The following SLC8A1 variants were observed in gnomAD, a reference collection of about 807,000 sequenced individuals.
SLC8A1 encodes the protein sodium/calcium exchanger 1.
A neutral mutation model predicts 68.3 loss-of-function variants in SLC8A1; 18 were observed. The observed-to-expected ratio is 0.26, with a 90% CI of 0.18 to 0.39. The LOEUF (loss-of-function observed/expected upper bound fraction) is 0.39. SLC8A1 is among the 10% of genes least tolerant of loss of function. The probability of loss-of-function intolerance (pLI) is 1.00; values close to 1 mark genes in which losing one functional copy is unlikely to be tolerated. For missense variants in SLC8A1, 985 were observed against 1,156.7 expected, an observed-to-expected ratio of 0.85 and a Z score of 2.15; for synonymous variants, 475 against 415.5, an observed-to-expected ratio of 1.14 and a Z score of -1.74.
chr2:40,281,845 C>G (rs2067572648), intron 2 of SLC8A1, among the ~76,000 whole-genome samples: 1 of 152,208 alleles, frequency 6.6e-6, no homozygotes, highest in African/African-American at 2.4e-5. Flanking sequence ...TTCCCTGATT[C>G]TCAGGAAGTG....
At chr2:40,408,875 C>A (rs1435661391) in intron 2 of SLC8A1, among the ~76,000 whole-genome samples, 1 of 151,104 alleles carries the variant, frequency 6.6e-6, no homozygotes. Flanking sequence ...TCCAAAGACA[C>A]TGAAATAGAA....
At chr2:40,168,161 G>A (rs2046866399) in intron 4 of SLC8A1, among the ~76,000 whole-genome samples, 1 of 152,088 alleles carries the variant, frequency 6.6e-6, no homozygotes, top group Admixed American at 6.6e-5. Context: ...AATAGACAAT[G>A]GGCAACTTCT....
chr2:40,196,618 C>G (rs2053086773), intron 2 of SLC8A1, among the ~76,000 whole-genome samples: 1 of 152,030 alleles, frequency 6.6e-6, no homozygotes, highest in South Asian at 2.1e-4. Flanking sequence ...ATGCAATGAT[C>G]CATCAATTGG....
At chr2:40,172,334 C>A (rs755261161) in intron 4 of SLC8A1, among the ~76,000 whole-genome samples, 2 of 152,176 alleles carry the variant, frequency 1.3e-5, no homozygotes, top group African/African-American at 2.4e-5. Flanking sequence ...AGTTTTGGAA[C>A]ATTCTCTTGT....
At chr2:40,351,585 C>CAAAA (rs35996211) in intron 2 of SLC8A1, among the ~76,000 whole-genome samples, 4 of 142,326 alleles carry the variant, frequency 2.8e-5, no homozygotes, top group African/African-American at 1.0e-4. Context: ...ATGTTGCATC[C>CAAAA]AAAAAAAAAA....
intron 2 of SLC8A1, among the ~76,000 whole-genome samples, chr2:40,350,478 C>A (rs1299743903): frequency 1.3e-5 from 2 of 149,708 alleles, no homozygotes; most frequent in East Asian, 4.0e-4. Flanking sequence ...TAAACTCTGT[C>A]CCCCTAAAAA....
intron 2 of SLC8A1, among the ~76,000 whole-genome samples, chr2:40,190,343 C>T (rs1332006420): frequency 6.6e-6 from 1 of 152,180 alleles, no homozygotes; most frequent in Non-Finnish European, 1.5e-5. Flanking sequence ...CAAACTGAGA[C>T]TCAGTGAAAT....
intron 2 of SLC8A1, among the ~76,000 whole-genome samples, chr2:40,356,057 C>A (rs1231808937): frequency 1.3e-5 from 2 of 152,120 alleles, no homozygotes; most frequent in Admixed American, 1.3e-4. Flanking sequence ...CTCTGCCACA[C>A]TCTCCACAAA....
intron 2 of SLC8A1, among the ~76,000 whole-genome samples, chr2:40,280,140 C>T (rs2067299719): frequency 6.9e-6 from 1 of 145,764 alleles, no homozygotes; most frequent in Non-Finnish European, 1.5e-5. Context: ...CTCTGGATTG[C>T]AAAAACAGAC....
At chr2:40,495,926 G>A (rs1425001832) in intron 1 of SLC8A1, among the ~76,000 whole-genome samples, 2 of 152,026 alleles carry the variant, frequency 1.3e-5, no homozygotes, top group Non-Finnish European at 2.9e-5. Flanking sequence ...CAGAAATTAT[G>A]TGATTCTCAG....
chr2:40,394,174 C>T (rs780061274), intron 2 of SLC8A1, among the ~76,000 whole-genome samples: 1 of 152,068 alleles, frequency 6.6e-6, no homozygotes, highest in Non-Finnish European at 1.5e-5. Flanking sequence ...GGTTACTAGT[C>T]TAAGTGAGCT....
intron 2 of SLC8A1, among the ~76,000 whole-genome samples, chr2:40,257,012 GTAAGTAAA>G (rs1292666057): frequency 1.3e-5 from 1 of 79,074 alleles, no homozygotes; most frequent in South Asian, 6.0e-4. Context: ...AGCCTATCAA[GTAAGTAAA>G]TAAATAAATA....
chr2:40,485,787 A>C (rs1704930761), intron 1 of SLC8A1, among the ~76,000 whole-genome samples: 1 of 152,206 alleles, frequency 6.6e-6, no homozygotes, highest in African/African-American at 2.4e-5. Context: ...TTCTAGCAAA[A>C]GAGAGAGGGC....
intron 2 of SLC8A1, among the ~76,000 whole-genome samples, chr2:40,300,272 T>C (rs1278076872): frequency 6.6e-6 from 1 of 152,202 alleles, no homozygotes; most frequent in Non-Finnish European, 1.5e-5. Flanking sequence ...GTTCCATTCT[T>C]ACTGCAATCC....
chr2:40,441,616 A>G (rs1700502862), intron 1 of SLC8A1, among the ~76,000 whole-genome samples: 1 of 152,096 alleles, frequency 6.6e-6, no homozygotes, highest in South Asian at 2.1e-4. Context: ...AACACTACAC[A>G]TCTACAACCA....
intron 4 of SLC8A1, among the ~76,000 whole-genome samples, chr2:40,168,955 A>C (rs1167320684): frequency 6.6e-6 from 1 of 152,230 alleles, no homozygotes; most frequent in Admixed American, 6.5e-5. Context: ...CAATATTGAC[A>C]GGACATAAAA....
chr2:40,287,213 T>C (rs979128441), intron 2 of SLC8A1, among the ~76,000 whole-genome samples: 1 of 152,192 alleles, frequency 6.6e-6, no homozygotes, highest in African/African-American at 2.4e-5. Flanking sequence ...TATTCAGCAT[T>C]TGATGTCTAA....
chr2:40,346,427 A>T (rs1025765509), intron 2 of SLC8A1, among the ~76,000 whole-genome samples: 1 of 152,128 alleles, frequency 6.6e-6, no homozygotes, highest in Non-Finnish European at 1.5e-5. Context: ...TACTTAGTGA[A>T]ATTAGCATCT....
chr2:40,438,642 G>A (rs1375617486), intron 1 of SLC8A1, among the ~76,000 whole-genome samples: 1 of 152,170 alleles, frequency 6.6e-6, no homozygotes, highest in Non-Finnish European at 1.5e-5. Context: ...ACAACGGCTA[G>A]AGAATGTGAC....
Sources: allele counts gnomAD v4.1 joint callset (sites outside exome capture counted in the v4.1 genomes callset), GRCh38; gene constraint gnomAD v4.1.1; transcripts MANE v1.5; gene names NCBI Gene and HGNC (gene_info 2026-07-23, HGNC 2026-07-21).